The following ZNF43 variants were observed in gnomAD, a reference collection of about 807,000 sequenced individuals.
ZNF43 encodes zinc finger protein 43, also known as zinc finger protein 39-like 1 (KOX 27).
In ZNF43, 44 loss-of-function variants were observed where a neutral mutation model predicts 68.4. The ratio of observed to expected loss-of-function variants is 0.64; its 90% confidence interval spans 0.51 to 0.83. ZNF43 has a LOEUF of 0.83. Ranked by LOEUF, ZNF43 falls within the 40% of genes least tolerant of loss-of-function variation. The pLI is 0.00. For synonymous variants in ZNF43, 308 were observed against 307.8 expected, an observed-to-expected ratio of 1.00 and a Z score of -0.01; for missense variants, 896 against 933.2, an observed-to-expected ratio of 0.96 and a Z score of 0.52.
chr19:21,821,499 T>G (rs1210877795), intron 1 of ZNF43, among the ~76,000 whole-genome samples: 1 of 152,216 alleles, frequency 6.6e-6, no homozygotes, highest in Non-Finnish European at 1.5e-5. Flanking sequence ...AAGCATTTTC[T>G]GAATCCTATT....
At chr19:21,834,508 T>C (rs1426752373) in intron 1 of ZNF43, among the ~76,000 whole-genome samples, 1 of 151,806 alleles carries the variant, frequency 6.6e-6, no homozygotes, top group Non-Finnish European at 1.5e-5. Context: ...CCTGTAATCC[T>C]TGCACTTTGG....
intron 1 of ZNF43, among the ~76,000 whole-genome samples, chr19:21,822,708 G>A (rs1471565223): frequency 1.3e-5 from 2 of 149,466 alleles, no homozygotes; most frequent in African/African-American, 5.1e-5. Context: ...GGGAGGCTGA[G>A]GGGGGAGAAT....
At chr19:21,829,085 C>T (rs1483718497) in intron 1 of ZNF43, among the ~76,000 whole-genome samples, 3 of 142,008 alleles carry the variant, frequency 2.1e-5, no homozygotes, top group East Asian at 2.1e-4. Flanking sequence ...CGTGGTGGCA[C>T]GTGCCTGTAG....
At chr19:21,815,193 A>G (rs2037462726) in intron 3 of ZNF43, among the ~76,000 whole-genome samples, 1 of 151,966 alleles carries the variant, frequency 6.6e-6, no homozygotes. Context: ...CCATTTCAAA[A>G]AAAAAAAAAA....
In ZNF43 at chr19:21,809,714, T is replaced by C; in HGVS notation, c.323A>G (p.Glu108Gly). 6.2e-7 allele frequency: 1 copy of C among 1,613,228 alleles called. No homozygotes were observed. Residue 108 changes from glutamate to glycine, a missense_variant, in exon 4 of 4, where the codon GAA (glutamate) becomes GGA (glycine). Coordinates refer to ENST00000354959, the MANE Select transcript of ZNF43 (RefSeq NM_003423.4). ...TTTTTTTAAATGTACATTTTTATGTTCACAGTTTTTATATCTTCTCAGTGT... is the reference window on the plus strand; with the variant it reads ...TTTTTTTAAATGTACATTTTTATGTCCACAGTTTTTATATCTTCTCAGTGT... Reference protein sequence around the residue: ...KATLRRYKNCEHKNVHLKKDH... With the variant: ...KATLRRYKNCGHKNVHLKKDH...
chr19:21,844,223 G>A (rs553400901), intron 1 of ZNF43, among the ~76,000 whole-genome samples: 7 of 151,232 alleles, frequency 4.6e-5, no homozygotes, highest in Non-Finnish European at 7.4e-5. Context: ...CAAAAAAGCC[G>A]GGCATATCCC....
At chr19:21,810,234 G>A (rs1334926753) in intron 3 of ZNF43, among the ~76,000 whole-genome samples, 1 of 152,174 alleles carries the variant, frequency 6.6e-6, no homozygotes, top group Non-Finnish European at 1.5e-5. Context: ...AGAAGTGTGT[G>A]TCAGCATCTG....
Position 21,849,362 on chromosome 19 carries a change from C to T in ZNF43, c.30+2543G>A, listed in dbSNP as rs1036211359. On this transcript the variant is annotated intron_variant, in intron 1 of 3. Transcript: ENST00000357491. ...AATTAGCCAGGCGTAGTGGCACATGCCTGTAATCCCAGCTACTCAGGAGAC... is the reference window on the plus strand; with the variant it reads ...AATTAGCCAGGCGTAGTGGCACATGTCTGTAATCCCAGCTACTCAGGAGAC... Among the ~76,000 whole-genome samples, 3 of 151,854 alleles carry T rather than the reference C, an allele frequency of 2.0e-5. No individual in the cohort carries two copies. In the East Asian group the frequency reaches 5.8e-4, roughly 29 times the overall value.
chr19:21,833,329 C>T (rs1015395548), intron 1 of ZNF43, among the ~76,000 whole-genome samples: 1 of 152,030 alleles, frequency 6.6e-6, no homozygotes, highest in Non-Finnish European at 1.5e-5. Flanking sequence ...TACAATGGCG[C>T]GACCTCAGCT....
chr19:21,810,330 G>C (rs142233751), intron 3 of ZNF43, among the ~76,000 whole-genome samples: 1 of 152,204 alleles, frequency 6.6e-6, no homozygotes, highest in Non-Finnish European at 1.5e-5. Flanking sequence ...GGGAAAGTGT[G>C]AGGTGAAGGA....
At chr19:21,835,295 T>G (rs2145347017) in intron 1 of ZNF43, among the ~76,000 whole-genome samples, 1 of 145,486 alleles carries the variant, frequency 6.9e-6, no homozygotes. Flanking sequence ...GTTGATAACG[T>G]GAATTGCGGA....
chr19:21,836,106 A>C lies in ZNF43; in HGVS notation c.-68T>G. On this transcript the variant is annotated 5_prime_UTR_variant, in exon 1 of 4. Transcript: ENST00000354959. ...CCCAATACCCGCAGGTCACAGAGCC[A>C]CAGAGGCTGGACCTCTAGCAGCAGA... 1 of 1,611,620 alleles carries C rather than the reference A, an allele frequency of 6.2e-7. No homozygotes were observed. The highest frequency in any genetic ancestry group is 8.5e-7 in the Non-Finnish European group (1 of 1,178,376).
At chr19:21,809,948 T>C (rs974724605) in intron 3 of ZNF43, 141 bp from the exon 4 acceptor site, 6 of 832,712 alleles carry the variant, frequency 7.2e-6, no homozygotes, top group African/African-American at 1.7e-5. Context: ...TTTATAGACA[T>C]ATAAATGTAA....
chr19:21,828,403 C>T (rs1359998439), intron 1 of ZNF43, among the ~76,000 whole-genome samples: 1 of 151,808 alleles, frequency 6.6e-6, no homozygotes, highest in Non-Finnish European at 1.5e-5. Flanking sequence ...CACGGTGAAA[C>T]CCCATCTCTC....
Position 21,808,236 on chromosome 19 carries a change from T to G in ZNF43, c.1801A>C (p.Lys601Gln), listed in dbSNP as rs1388230661. The change falls in exon 4 of 4, where the codon AAA becomes CAA. Residue 601 changes from lysine to glutamine, a missense_variant. Transcript: ENST00000354959. ...AGGTTTGAAGATTGGGTAAAAGCTT[T>G]GCCACATTCTTCACATTTGTAGAAT... ...EKFYKCEECG[K>Q]AFTQSSNLTT... is the part of the protein sequence containing the mutation. 3.7e-6 allele frequency: 6 copies of G among 1,613,562 alleles called. No homozygotes were observed.
chr19:21,807,801 A>C lies in ZNF43; in HGVS notation c.2236T>G (p.Ser746Ala). The stretch of plus-strand genomic sequence containing the variant: ...CTCTTATGTGTATTAAGGTGTGAGG[A>C]ATAGTTAAATGCTTTGCCACATTCT... Reference protein sequence around the residue: ...CEECGKAFNYSSHLNTHKRIH... With the variant: ...CEECGKAFNYASHLNTHKRIH... Residue 746 changes from serine to alanine, a missense_variant, in exon 4 of 4, where the codon TCC becomes GCC. Transcript: ENST00000354959. 6.2e-7 allele frequency: 1 copy of C among 1,613,554 alleles called. No individual in the cohort carries two copies. The highest frequency in any genetic ancestry group is 8.5e-7 in the Non-Finnish European group (1 of 1,179,734).
At position 21,808,999 on chromosome 19, in the gene ZNF43, T is replaced by A. The variant is rs2037132608; in HGVS notation, c.1038A>T (p.Glu346Asp). The A allele has an allele frequency of 3.7e-6, 6 of 1,613,534 alleles. No individual in the cohort carries two copies. The South Asian group carries it at 6.6e-5, about 18-fold the overall frequency. The change falls in exon 4 of 4, where the codon GAA becomes GAT. Residue 346 changes from glutamate (E) to aspartate (D), a missense_variant. Glu to Asp is a conservative substitution (Grantham distance 45, BLOSUM62 2). Transcript: ENST00000354959. ...HTGEKPYTCEECGKAFNQFSN... is the reference protein window; with the variant it reads ...HTGEKPYTCEDCGKAFNQFSN... ...AGAACTGGTTAAAGGCTTTGCCACA[T>A]TCTTCACATGTGTAGGGTTTCTCTC...
rs551944474 is a variant in ZNF43 at position 21,810,204 on chromosome 19, A to G, written c.230-397T>C. On this transcript the variant is annotated intron_variant, in intron 3 of 3. Transcript: ENST00000354959. ...TAAAGAAAAAAGGCTTATTTTGCTCACAATTTGGCAGACTGTACAAGAAGT... is the reference window on the plus strand; with the variant it reads ...TAAAGAAAAAAGGCTTATTTTGCTCGCAATTTGGCAGACTGTACAAGAAGT... Among the ~76,000 whole-genome samples the G allele has an allele frequency of 7.2e-5, 11 of 152,322 alleles. No individual in the cohort carries two copies. In the South Asian group the frequency reaches 2.1e-3, roughly 29 times the overall value.
chr19:21,819,619 G>C (rs1250700094), intron 1 of ZNF43, among the ~76,000 whole-genome samples: 3 of 152,102 alleles, frequency 2.0e-5, no homozygotes, highest in Non-Finnish European at 1.5e-5. Flanking sequence ...ATAAACTGAG[G>C]ATCCTGTTAA....
Sources: gnomAD v4.1 joint callset for allele counts (sites outside exome capture counted in the v4.1 genomes callset) on GRCh38, gnomAD v4.1.1 for gene constraint, MANE v1.5 for transcripts, NCBI Gene and HGNC (gene_info 2026-07-23, HGNC 2026-07-21) for gene names.